HDLBP: variants seen among roughly 807,000 people sequenced by gnomAD.
The protein encoded by HDLBP is vigilin.
In HDLBP, 30 loss-of-function variants were observed where a neutral mutation model predicts 137.3. The observed-to-expected ratio is 0.22, with a 90% CI of 0.16 to 0.30. HDLBP has a LOEUF of 0.30. Ranked by LOEUF, HDLBP falls within the 10% of genes least tolerant of loss-of-function variation. HDLBP has a pLI of 1.00. For missense variants in HDLBP, 1,119 were observed against 1,667.3 expected (o/e 0.67, Z 5.73); for synonymous variants, 606 against 596.0 (o/e 1.02, Z -0.24).
intron 5 of HDLBP, among the ~76,000 whole-genome samples, chr2:241,257,813 T>C (rs547820523): frequency 6.6e-6 from 1 of 152,314 alleles, no homozygotes; most frequent in African/African-American, 2.4e-5. Flanking sequence ...ACAGTGGTCC[T>C]AGACATTAAA....
chr2:241,267,585 T>A, intron 2 of HDLBP: 1 of 1,535,680 alleles, frequency 6.5e-7, no homozygotes, highest in African/African-American at 1.4e-5. Context: ...CACCTCTTAA[T>A]GCTTACAAAA....
At chr2:241,312,833 G>C (rs921383790) in intron 1 of HDLBP, among the ~76,000 whole-genome samples, 10 of 152,192 alleles carry the variant, frequency 6.6e-5, no homozygotes, top group African/African-American at 2.2e-4. Flanking sequence ...ACGAAGGATC[G>C]TAAGATATCC....
At chr2:241,245,816 A>AT (rs2071621528) in intron 16 of HDLBP, among the ~76,000 whole-genome samples, 1 of 152,156 alleles carries the variant, frequency 6.6e-6, no homozygotes, top group Admixed American at 6.5e-5. Context: ...AATTTTAAAT[A>AT]TAAGGGGGAA....
In HDLBP at chr2:241,235,053, A is replaced by G. The variant is rs1023126385; in HGVS notation, c.3144+68T>C. 34 of 1,570,528 alleles carry G rather than the reference A, an allele frequency of 2.2e-5. No individual in the cohort carries two copies. In the African/African-American group the frequency reaches 4.0e-4, roughly 19 times the overall value. On this transcript the variant is annotated intron_variant, in intron 23 of 27. Transcript: ENST00000310931. ...TGCTGGGATCCTGAAGAACTTCCCT[A>G]GATTCTGACATGTGCCCAAAGCTGA...
In HDLBP at chr2:241,264,616, C is replaced by T. The variant is rs752219459; in HGVS notation, c.77-11G>A. On this transcript the variant is annotated splice_polypyrimidine_tract_variant and intron_variant, in intron 3 of 27. Transcript: ENST00000310931. ...AATTTAGAGTGGCAACTGGACCAGCCAACACAGATTAAAAGGAAGCACTAC... is the reference window on the plus strand; with the variant it reads ...AATTTAGAGTGGCAACTGGACCAGCTAACACAGATTAAAAGGAAGCACTAC... 3.1e-6 allele frequency: 5 copies of T among 1,612,060 alleles called. No individual in the cohort carries two copies. Among genetic ancestry groups the T allele is most frequent in the African/African-American group, 1.3e-5 (1 of 74,766 alleles).
At chr2:241,290,657 T>A (rs552146368) in intron 1 of HDLBP, among the ~76,000 whole-genome samples, 2 of 151,826 alleles carry the variant, frequency 1.3e-5, no homozygotes, top group Non-Finnish European at 2.9e-5. Flanking sequence ...AAATAAAACG[T>A]TCCACTTCTT....
intron 21 of HDLBP, 92 bp downstream of exon 21, chr2:241,236,523 G>A (rs1043778485): frequency 3.8e-6 from 5 of 1,333,312 alleles, no homozygotes; most frequent in Non-Finnish European, 4.2e-6. Flanking sequence ...TGCCGCTTGG[G>A]CAACCGTCCA....
chr2:241,232,275 CT>C (rs146304027), intron 24 of HDLBP, among the ~76,000 whole-genome samples: 2,265 of 143,236 alleles, frequency 0.016, 26 homozygotes, highest in African/African-American at 0.042. Flanking sequence ...TAAACAATGA[CT>C]TTTTTTTTTT....
chr2:241,233,703 G>T lies in HDLBP; in HGVS notation c.3288+117C>A. The T allele has an allele frequency of 1.8e-6, 2 of 1,102,454 alleles. No homozygotes were observed. Among genetic ancestry groups the T allele is most frequent in the Non-Finnish European group, 1.3e-6 (1 of 752,618 alleles). The allele number at this position is 1,102,454 out of a possible 1,614,324, so 68.3% of individuals were successfully genotyped here. ...GCCAGAATTAGGTCCTGAGAGACTT[G>T]CCACTCTCAACTTGGCCCTCGAACC... On this transcript the variant is annotated intron_variant, in intron 24 of 27. Coordinates refer to ENST00000310931, the MANE Select transcript of HDLBP (RefSeq NM_005336.6). The surrounding 1 kb of genome is among the most constrained non-coding windows in gnomAD (Gnocchi z 4.3).
chr2:241,266,700 A>C, intron 3 of HDLBP, 94 bp downstream of exon 3: 1 of 860,160 alleles, frequency 1.2e-6, no homozygotes, highest in Non-Finnish European at 2.0e-6. Flanking sequence ...CAGGGCCAAA[A>C]GGTACTTCTA....
At position 241,299,919 on chromosome 2, in the gene HDLBP, A is replaced by AAAC. The variant is rs1293040565; in HGVS notation, c.-103+15648_-103+15650dup. Among the ~76,000 whole-genome samples, 12 of 152,070 alleles carry AAAC rather than the reference A, an allele frequency of 7.9e-5. 1 individual carries two copies. The highest frequency in any genetic ancestry group is 5.9e-4 in the Admixed American group (9 of 15,272). On this transcript the variant is annotated intron_variant, in intron 1 of 27. Transcript: ENST00000310931. ...GACAGAGCGAGATTCCGTCTCAAAC[A>AAAC]AACAAAAAACAAATTTTGACTATAT...
chr2:241,235,099 GC>G (rs1341514623), intron 23 of HDLBP, 21 bp downstream of exon 23: 7 of 1,609,360 alleles, frequency 4.3e-6, no homozygotes, highest in Non-Finnish European at 5.1e-6. Flanking sequence ...TCTGGGCAGT[GC>G]CCCGGCCACC....
At chr2:241,286,404 C>T (rs140723114) in intron 1 of HDLBP, among the ~76,000 whole-genome samples, 15 of 152,210 alleles carry the variant, frequency 9.9e-5, no homozygotes, top group African/African-American at 1.4e-4. Flanking sequence ...GAGATAAATG[C>T]GTATCTGACT....
chr2:241,260,878 C>A (rs1047277709), intron 5 of HDLBP, among the ~76,000 whole-genome samples: 2 of 152,166 alleles, frequency 1.3e-5, no homozygotes, highest in Non-Finnish European at 2.9e-5. Context: ...ACGGTCCCCA[C>A]TAATCAATGG....
chr2:241,287,006 A>G (rs2074841638), intron 1 of HDLBP, among the ~76,000 whole-genome samples: 1 of 152,006 alleles, frequency 6.6e-6, no homozygotes, highest in Non-Finnish European at 1.5e-5. Flanking sequence ...ATAGGTCTTC[A>G]CCCTGTATCA....
intron 16 of HDLBP, 171 bp from the exon 17 acceptor site, chr2:241,242,849 G>C: frequency 6.3e-6 from 4 of 639,758 alleles, no homozygotes; most frequent in Non-Finnish European, 1.1e-5. Context: ...ACCTGCACGG[G>C]GGAGGAGAGT....
chr2:241,301,833 A>G (rs2075405617), intron 1 of HDLBP, among the ~76,000 whole-genome samples: 1 of 152,100 alleles, frequency 6.6e-6, no homozygotes, highest in Non-Finnish European at 1.5e-5. Flanking sequence ...TCTAATAAAT[A>G]AATCAGAAAC....
At position 241,248,024 on chromosome 2, in the gene HDLBP, CA is replaced by C; in HGVS notation, c.1709del (p.Met570SerfsTer84). The C allele has an allele frequency of 6.2e-7, 1 of 1,613,290 alleles. No individual in the cohort carries two copies. The highest frequency in any genetic ancestry group is 8.5e-7 in the Non-Finnish European group (1 of 1,179,202). On this transcript the variant is annotated frameshift_variant, in exon 14 of 28. Transcript: ENST00000310931. LOFTEE classifies it high-confidence loss of function. The stretch of plus-strand genomic sequence containing the variant: ...CTACCAGATCTGCCACCATCTTCTG[CA>C]TGTATTTTGTGCATTTTTCCACCTC... ...KNEVEKCTKY[M>X]QKMVADLVEN...
In HDLBP at chr2:241,230,034, T is replaced by G; in HGVS notation, c.3592-73A>C. The G allele has an allele frequency of 6.3e-7, 1 of 1,579,056 alleles. No individual in the cohort carries two copies. Among genetic ancestry groups the G allele is most frequent in the Non-Finnish European group, 8.6e-7 (1 of 1,159,560 alleles). On this transcript the variant is annotated intron_variant, in intron 26 of 27. Transcript: ENST00000310931. This position sits in a 1 kb window ranked among gnomAD's most constrained non-coding sequence, Gnocchi z 5.0. The stretch of plus-strand genomic sequence containing the variant: ...AGCATCCCGCCCGCCTGCTCACCCC[T>G]GCACCTCGCCTGCCTCTGGAAACAC...
Sources: allele counts gnomAD v4.1 joint callset (sites outside exome capture counted in the v4.1 genomes callset), GRCh38; gene constraint gnomAD v4.1.1; non-coding constraint Gnocchi (gnomAD v3.1); transcripts MANE v1.5; gene names NCBI Gene and HGNC (gene_info 2026-07-23, HGNC 2026-07-21).